PLA2G4C: variants seen among roughly 807,000 people sequenced by gnomAD.
PLA2G4C encodes cytosolic phospholipase A2 gamma.
Under a neutral mutation model 73.8 loss-of-function variants are expected in PLA2G4C, and 64 were observed. That is an observed-to-expected ratio of 0.87 (90% CI 0.71 to 1.07). PLA2G4C has a LOEUF of 1.07. Among genes scored for constraint, PLA2G4C ranks in the 50% least tolerant of loss-of-function variants. PLA2G4C has a pLI of 0.00. For synonymous variants in PLA2G4C, 254 were observed against 252.1 expected, an observed-to-expected ratio of 1.01 and a Z score of -0.07; for missense variants, 622 against 665.4, an observed-to-expected ratio of 0.93 and a Z score of 0.72.
At chr19:48,063,910 A>G (rs2122494522) in intron 13 of PLA2G4C, 1 of 152,122 alleles carries the variant, frequency 6.6e-6, no homozygotes, top group East Asian at 2.0e-4. Context: ...ATCTCATACA[A>G]GAAAGAATTC....
chr19:48,081,352 T>C (rs2030549284), intron 10 of PLA2G4C, among the ~76,000 whole-genome samples: 1 of 152,058 alleles, frequency 6.6e-6, no homozygotes, highest in African/African-American at 2.4e-5. Context: ...CCAAAAACCA[T>C]ATGTTCTCAC....
intron 1 of PLA2G4C, among the ~76,000 whole-genome samples, chr19:48,109,770 C>T (rs11564505): frequency 0.016 from 2,399 of 152,188 alleles, 65 homozygotes; most frequent in African/African-American, 0.054. Flanking sequence ...CTGCCTCAGC[C>T]TCCGGAGTAG....
At chr19:48,106,645 G>T in intron 1 of PLA2G4C, 84 bp from the exon 2 acceptor site, 1 of 1,043,768 alleles carries the variant, frequency 9.6e-7, no homozygotes, top group Non-Finnish European at 1.5e-6. Flanking sequence ...ACTGTCACGG[G>T]CTCATGGGTT....
At chr19:48,050,830 A>G (rs1967699591) in intron 16 of PLA2G4C, among the ~76,000 whole-genome samples, 1 of 151,782 alleles carries the variant, frequency 6.6e-6, no homozygotes, top group Non-Finnish European at 1.5e-5. Flanking sequence ...ATACACCACC[A>G]TGCCTTGCTA....
At chr19:48,109,112 GT>G in intron 1 of PLA2G4C, among the ~76,000 whole-genome samples, 1 of 152,290 alleles carries the variant, frequency 6.6e-6, no homozygotes, top group East Asian at 1.9e-4. Flanking sequence ...AAGATGGTCA[GT>G]CATGTTAGCT....
chr19:48,051,006 T>TG (rs1454480413), intron 16 of PLA2G4C, among the ~76,000 whole-genome samples: 1 of 152,106 alleles, frequency 6.6e-6, no homozygotes, highest in African/African-American at 2.4e-5. Flanking sequence ...AAAGGGACTC[T>TG]GCAGATGAGA....
chr19:48,101,126 A>ATATATTTTTT (rs1491313107), intron 4 of PLA2G4C, among the ~76,000 whole-genome samples: 4 of 74,130 alleles, frequency 5.4e-5, no homozygotes, highest in African/African-American at 2.6e-4. Flanking sequence ...ATATATATAT[A>ATATATTTTTT]TTTTTTTTTT....
chr19:48,096,982 C>T (rs186209848), intron 6 of PLA2G4C: 5 of 152,038 alleles, frequency 3.3e-5, no homozygotes, highest in Admixed American at 6.5e-5. Context: ...AGGGAGAAAC[C>T]ACGTCTCTAC....
intron 9 of PLA2G4C, among the ~76,000 whole-genome samples, chr19:48,087,310 G>C (rs925211150): frequency 6.6e-6 from 1 of 152,162 alleles, no homozygotes; most frequent in Non-Finnish European, 1.5e-5. Context: ...TTGGATAAGG[G>C]GATGTCTTTC....
intron 13 of PLA2G4C, among the ~76,000 whole-genome samples, chr19:48,066,232 C>T (rs1968416493): frequency 6.6e-6 from 1 of 152,030 alleles, no homozygotes. Flanking sequence ...TTTGGAGTGC[C>T]CTGGCTGACA....
intron 13 of PLA2G4C, among the ~76,000 whole-genome samples, chr19:48,066,609 G>A (rs546618940): frequency 1.4e-3 from 219 of 152,098 alleles, no homozygotes; most frequent in African/African-American, 4.9e-3. Flanking sequence ...ACCTTTTCTC[G>A]ATTTGCACAA....
intron 7 of PLA2G4C, 119 bp downstream of exon 7, chr19:48,095,345 A>C (rs1487724613): frequency 1.1e-6 from 1 of 885,932 alleles, no homozygotes; most frequent in African/African-American, 1.7e-5. Flanking sequence ...AAGCCTACCA[A>C]GTCCTTTTCT....
intron 14 of PLA2G4C, chr19:48,061,288 A>AG (rs1568425247): frequency 3.3e-5 from 5 of 150,630 alleles, no homozygotes; most frequent in African/African-American, 4.9e-5. Flanking sequence ...GGGGAGGGGA[A>AG]GGGAGGGGAG....
chr19:48,056,248 A>T (rs1967936446), intron 14 of PLA2G4C, among the ~76,000 whole-genome samples: 1 of 152,128 alleles, frequency 6.6e-6, no homozygotes, highest in Non-Finnish European at 1.5e-5. Flanking sequence ...CTAAGCAAGG[A>T]GAATTAAGAT....
At chr19:48,105,778 G>A (rs982577794) in intron 2 of PLA2G4C, among the ~76,000 whole-genome samples, 1 of 131,620 alleles carries the variant, frequency 7.6e-6, no homozygotes, top group Non-Finnish European at 1.5e-5. Context: ...TGGCCAACAT[G>A]GTGACATACC....
intron 16 of PLA2G4C, among the ~76,000 whole-genome samples, chr19:48,050,673 C>CTTTTTTTTTTTTT (rs5828330): frequency 0.26 from 20,031 of 78,054 alleles, 5,928 homozygotes; most frequent in East Asian, 0.42. Context: ...GAGTATGTGA[C>CTTTTTTTTTTTTT]TTTTTTTTTT....
chr19:48,063,551 T>TC (rs1307455013), intron 13 of PLA2G4C, among the ~76,000 whole-genome samples: 4 of 57,430 alleles, frequency 7.0e-5, no homozygotes, highest in African/African-American at 1.4e-4. Flanking sequence ...GATAAGCCCC[T>TC]CCCCCCCACC....
intron 10 of PLA2G4C, among the ~76,000 whole-genome samples, chr19:48,081,543 A>T (rs4802429): frequency 6.6e-6 from 1 of 150,868 alleles, no homozygotes; most frequent in African/African-American, 2.4e-5. Context: ...GGATCACCTG[A>T]GGTCAGGAGT....
chr19:48,089,338 G>A (rs2031164479), intron 8 of PLA2G4C, among the ~76,000 whole-genome samples: 1 of 152,024 alleles, frequency 6.6e-6, no homozygotes, highest in Non-Finnish European at 1.5e-5. Flanking sequence ...AGTTGCTTAA[G>A]CCTGGGAGGT....
Sources: allele counts gnomAD v4.1 joint callset (sites outside exome capture counted in the v4.1 genomes callset), GRCh38; gene constraint gnomAD v4.1.1; transcripts MANE v1.5; gene names NCBI Gene and HGNC (gene_info 2026-07-23, HGNC 2026-07-21).